NELL2: variants seen among roughly 807,000 people sequenced by gnomAD.
NELL2 encodes neural EGFL like 2.
In NELL2, 41 loss-of-function variants were observed where a neutral mutation model predicts 109.6. The observed-to-expected ratio is 0.37, with a 90% confidence interval of 0.29 to 0.49. NELL2 has a LOEUF of 0.49. NELL2 is among the 20% of genes least tolerant of loss of function. The probability of loss-of-function intolerance (pLI) is 0.98; values close to 1 mark genes in which losing one functional copy is unlikely to be tolerated. For missense variants in NELL2, 900 were observed against 1,008.3 expected (o/e 0.89, Z 1.45); for synonymous variants, 355 against 344.7 (o/e 1.03, Z -0.33).
At chr12:44,585,055 T>C (rs1296120263) in intron 15 of NELL2, among the ~76,000 whole-genome samples, 1 of 152,226 alleles carries the variant, frequency 6.6e-6, no homozygotes, top group Non-Finnish European at 1.5e-5. Flanking sequence ...AATTAATTTT[T>C]ATTAAAACAT....
rs751128416 is a variant in NELL2 at position 44,714,700 on chromosome 12, T to C, written c.1036A>G (p.Arg346Gly). The C allele has an allele frequency of 4.4e-6, 7 of 1,603,914 alleles. No individual in the cohort carries two copies. The highest frequency in any genetic ancestry group is 6.0e-6 in the Non-Finnish European group (7 of 1,176,016). Residue 346 changes from arginine (R) to glycine (G), a missense_variant, in exon 10 of 20, where the codon AGA (arginine) becomes GGA (glycine). Physicochemically the swap from Arg to Gly is moderately radical, Grantham distance 125. Coordinates refer to ENST00000429094, the MANE Select transcript of NELL2 (RefSeq NM_001145108.2). ...FQGRTYFEGE[R>G]NTVYSSSGVC... is the part of the protein sequence containing the mutation. ...CCAGAAGAGGAATAGACTGTATTTC[T>C]TTCTCCTTCAAAGTAGGTTCGTCCT...
intron 12 of NELL2, among the ~76,000 whole-genome samples, chr12:44,689,945 C>A (rs1053962956): frequency 6.6e-6 from 1 of 152,102 alleles, no homozygotes. Context: ...GATCGGAGAT[C>A]GAATAATTCA....
At chr12:44,880,037 CAAT>C (rs993549690), upstream of NELL2, among the ~76,000 whole-genome samples, 5 of 149,896 alleles carry the variant, frequency 3.3e-5, no homozygotes, top group African/African-American at 9.9e-5. Flanking sequence ...TCCTGCTGTG[CAAT>C]AATAATAATA....
intron 1 of NELL2, among the ~76,000 whole-genome samples, chr12:44,886,153 G>T (rs1945471672): frequency 6.7e-6 from 1 of 149,802 alleles, no homozygotes; most frequent in Admixed American, 6.7e-5. Flanking sequence ...GGAAGAAAGG[G>T]AGAGAATCCT....
At chr12:44,520,307 C>T in intron 18 of NELL2, 78 bp from the exon 19 acceptor site, 1 of 1,073,040 alleles carries the variant, frequency 9.3e-7, no homozygotes, top group East Asian at 2.6e-5. Context: ...AGCAGATGAG[C>T]ACAGTGTTTA....
intron 2 of NELL2, among the ~76,000 whole-genome samples, chr12:44,841,790 C>A (rs1944233272): frequency 6.6e-6 from 1 of 152,044 alleles, no homozygotes; most frequent in South Asian, 2.1e-4. Flanking sequence ...TTACGACCAT[C>A]CAGAGTGGAG....
chr12:44,551,134 A>G (rs967923531), intron 15 of NELL2, among the ~76,000 whole-genome samples: 1 of 152,210 alleles, frequency 6.6e-6, no homozygotes, highest in African/African-American at 2.4e-5. Context: ...CCCTAAACTC[A>G]TCAAGATGTA....
chr12:44,722,970 C>G (rs1250280313), intron 9 of NELL2, among the ~76,000 whole-genome samples: 1 of 152,072 alleles, frequency 6.6e-6, no homozygotes, highest in Non-Finnish European at 1.5e-5. Flanking sequence ...GGGCAGATCA[C>G]AAGTTCAGGA....
chr12:44,537,799 C>T (rs542501598), intron 15 of NELL2, among the ~76,000 whole-genome samples: 62 of 152,072 alleles, frequency 4.1e-4, no homozygotes, highest in Middle Eastern at 6.8e-3. Context: ...AGAATGCAAA[C>T]GCATTACATT....
chr12:44,623,939 G>A (rs1946146546), intron 13 of NELL2, among the ~76,000 whole-genome samples: 1 of 151,934 alleles, frequency 6.6e-6, no homozygotes, highest in African/African-American at 2.4e-5. Context: ...TGAACAATGA[G>A]AACACATGGA....
intron 15 of NELL2, among the ~76,000 whole-genome samples, chr12:44,588,775 GT>G (rs1944638340): frequency 6.6e-6 from 1 of 152,084 alleles, no homozygotes; most frequent in Non-Finnish European, 1.5e-5. Flanking sequence ...TATTCACAAT[GT>G]TTTGTAACCA....
At chr12:44,895,419 T>C (rs551464202) in intron 1 of NELL2, among the ~76,000 whole-genome samples, 27 of 152,336 alleles carry the variant, frequency 1.8e-4, no homozygotes, top group African/African-American at 6.3e-4. Flanking sequence ...CATTTTCTGC[T>C]TCTATTTATA....
At chr12:44,691,173 G>A (rs1456160250) in intron 12 of NELL2, among the ~76,000 whole-genome samples, 1 of 152,086 alleles carries the variant, frequency 6.6e-6, no homozygotes, top group Non-Finnish European at 1.5e-5. Flanking sequence ...ATGAACTGAA[G>A]GTTTGTGACA....
intron 9 of NELL2, among the ~76,000 whole-genome samples, chr12:44,765,852 C>T (rs1475256867): frequency 6.6e-6 from 1 of 152,172 alleles, no homozygotes; most frequent in Non-Finnish European, 1.5e-5. Flanking sequence ...TGGCAGGATG[C>T]AGTGGCTCAC....
In NELL2 at chr12:44,520,123, T is replaced by C; in HGVS notation, c.2282A>G (p.Gln761Arg). The C allele has an allele frequency of 1.2e-6, 2 of 1,614,148 alleles. No individual in the cohort carries two copies. Among genetic ancestry groups the C allele is most frequent in the Non-Finnish European group, 1.7e-6 (2 of 1,180,042 alleles). Residue 761 changes from glutamine to arginine, a missense_variant, in exon 19 of 20, where the codon CAG becomes CGG. Transcript: ENST00000429094. ...CCPRCVTDPC[Q>R]ADTIRNDITK... Reference sequence around the variant, plus strand: ...GATGTCATTGCGGATGGTGTCAGCCTGGCAAGGGTCTGTGACACAGCGCGG... The same window carrying C: ...GATGTCATTGCGGATGGTGTCAGCCCGGCAAGGGTCTGTGACACAGCGCGG...
intron 3 of NELL2, among the ~76,000 whole-genome samples, chr12:44,794,397 G>A (rs1942544088): frequency 6.6e-6 from 1 of 152,164 alleles, no homozygotes; most frequent in South Asian, 2.1e-4. Flanking sequence ...TTGGAGGCAA[G>A]ACCATGACAC....
At chr12:44,534,072 A>C (rs929398524) in intron 15 of NELL2, among the ~76,000 whole-genome samples, 46 of 152,216 alleles carry the variant, frequency 3.0e-4, no homozygotes, top group African/African-American at 1.1e-3. Context: ...TTCAGTTGAC[A>C]GAATCTACTT....
At chr12:44,608,684 T>C (rs1057094369) in intron 14 of NELL2, among the ~76,000 whole-genome samples, 4 of 151,700 alleles carry the variant, frequency 2.6e-5, no homozygotes, top group Admixed American at 6.6e-5. Context: ...TCATACTACA[T>C]AGGAATTTGT....
intron 2 of NELL2, among the ~76,000 whole-genome samples, chr12:44,864,255 T>C (rs533901400): frequency 6.6e-6 from 1 of 152,208 alleles, no homozygotes; most frequent in African/African-American, 2.4e-5. Flanking sequence ...AATCCTGCTA[T>C]CAAAAGACAT....
Sources: allele counts gnomAD v4.1 joint callset (sites outside exome capture counted in the v4.1 genomes callset), GRCh38; gene constraint gnomAD v4.1.1; transcripts MANE v1.5; gene names NCBI Gene and HGNC (gene_info 2026-07-23, HGNC 2026-07-21).